Variants in TDRD7 observed in about 807,000 individuals in gnomAD.
The protein encoded by TDRD7 is tudor domain-containing protein 7.
In TDRD7, 47 loss-of-function variants were observed where a neutral mutation model predicts 109.8. The observed-to-expected ratio is 0.43, with a 90% CI of 0.34 to 0.55. The LOEUF is 0.55. Ranked by LOEUF, TDRD7 falls within the 20% of genes least tolerant of loss-of-function variation. TDRD7 has a pLI of 0.03. For synonymous variants in TDRD7, 424 were observed against 457.3 expected, an observed-to-expected ratio of 0.93 and a Z score of 0.93; for missense variants, 1,164 against 1,319.2, an observed-to-expected ratio of 0.88 and a Z score of 1.82.
At chr9:97,465,525 A>G (rs1040802092) in intron 8 of TDRD7, among the ~76,000 whole-genome samples, 1 of 152,194 alleles carries the variant, frequency 6.6e-6, no homozygotes, top group Admixed American at 6.5e-5. Flanking sequence ...TTCCATCAGC[A>G]GACTCTTCTG....
intron 1 of TDRD7, among the ~76,000 whole-genome samples, chr9:97,420,882 C>A (rs1400865673): frequency 7.2e-5 from 11 of 152,138 alleles, no homozygotes; most frequent in Admixed American, 7.2e-4. Flanking sequence ...TCTGTAATCC[C>A]AGCATTTTGG....
chr9:97,460,717 A>G lies in TDRD7; in HGVS notation c.1395A>G (p.Pro465=). ...PPLMIPTEAS[P]SVLVVELSNT... is the part of the protein sequence containing the mutation. ...TAATGATTCCAACTGAAGCATCACC[A>G]TCTGTATTGGTGGTTGAACTGAGCA... Residue 465 remains proline, a synonymous_variant, in exon 7 of 17, where the codon CCA becomes CCG. Coordinates refer to ENST00000355295, the MANE Select transcript of TDRD7 (RefSeq NM_014290.3). 6.2e-7 allele frequency: 1 copy of G among 1,614,158 alleles called. No individual in the cohort carries two copies.
rs567767147 is a variant in TDRD7, at chr9:97,471,747, T to G, written c.1742-546T>G. Among the ~76,000 whole-genome samples, 54 of 152,334 alleles carry G rather than the reference T, an allele frequency of 3.5e-4. No individual in the cohort carries two copies. In the South Asian group the frequency reaches 0.011, roughly 31 times the overall value. On this transcript the variant is annotated intron_variant, in intron 9 of 16. Coordinates refer to ENST00000355295, the MANE Select transcript of TDRD7 (RefSeq NM_014290.3). Reference sequence around the variant, plus strand: ...CTAAGAATTTAAAGAGTAGTTGGACTACAACAAAATTCATCTAATACCTGT... The same window carrying G: ...CTAAGAATTTAAAGAGTAGTTGGACGACAACAAAATTCATCTAATACCTGT...
intron 9 of TDRD7, 28 bp from the exon 10 acceptor site, chr9:97,472,265 A>G (rs142840335): frequency 6.3e-7 from 1 of 1,589,542 alleles, no homozygotes; most frequent in Non-Finnish European, 8.6e-7. Flanking sequence ...CTAATTAAGT[A>G]GAAATTAAAA....
intron 14 of TDRD7, among the ~76,000 whole-genome samples, chr9:97,481,206 T>C (rs1829109800): frequency 6.6e-6 from 1 of 152,250 alleles, no homozygotes; most frequent in African/African-American, 2.4e-5. Flanking sequence ...GAGATGGTTC[T>C]CCACTTCTGT....
At chr9:97,426,207 C>G (rs900448310) in intron 1 of TDRD7, among the ~76,000 whole-genome samples, 3 of 152,174 alleles carry the variant, frequency 2.0e-5, no homozygotes, top group Non-Finnish European at 2.9e-5. Context: ...CTTATAAACA[C>G]TGTACACTTA....
chr9:97,419,194 G>C (rs1301688078), intron 1 of TDRD7, among the ~76,000 whole-genome samples: 3 of 152,218 alleles, frequency 2.0e-5, no homozygotes, highest in Non-Finnish European at 4.4e-5. Flanking sequence ...GCAAAGCCCA[G>C]TTTCACTCAG....
chr9:97,466,104 C>A (rs1242786545), intron 8 of TDRD7, among the ~76,000 whole-genome samples: 1 of 152,194 alleles, frequency 6.6e-6, no homozygotes, highest in Non-Finnish European at 1.5e-5. Flanking sequence ...ATTCCATGTG[C>A]CACTATCAGC....
At chr9:97,487,570 G>A (rs1203015891) in intron 16 of TDRD7, among the ~76,000 whole-genome samples, 1 of 151,744 alleles carries the variant, frequency 6.6e-6, no homozygotes, top group African/African-American at 2.4e-5. Flanking sequence ...CTGGTTTCAA[G>A]CATGAGTATA....
chr9:97,441,906 A>G, intron 6 of TDRD7, 31 bp downstream of exon 6: 1 of 1,575,956 alleles, frequency 6.3e-7, no homozygotes, highest in African/African-American at 1.3e-5. Flanking sequence ...CCCTTCTGAT[A>G]CCTCCTCCCT....
In TDRD7 at chr9:97,495,829, C is replaced by G. The variant is rs762697124; in HGVS notation, c.3243C>G (p.Thr1081=). 1.2e-6 allele frequency: 2 copies of G among 1,614,158 alleles called. No homozygotes were observed. The highest frequency in any genetic ancestry group is 8.5e-7 in the Non-Finnish European group (1 of 1,180,024). Residue 1081 remains threonine, a synonymous_variant, in exon 17 of 17, where the codon ACC becomes ACG. Coordinates refer to ENST00000355295, the MANE Select transcript of TDRD7 (RefSeq NM_014290.3). ...ACACATCGTTGCCAGACACCGATAC[C>G]TGGATTCATGATTTTATGTCAGAGT... ...LVDTSLPDTD[T]WIHDFMSEYL... is the part of the protein sequence containing the mutation.
At chr9:97,467,883 T>C (rs1465592884) in intron 8 of TDRD7, among the ~76,000 whole-genome samples, 1 of 152,096 alleles carries the variant, frequency 6.6e-6, no homozygotes, top group Non-Finnish European at 1.5e-5. Flanking sequence ...CAGGATATAT[T>C]TGGAGGTAGA....
chr9:97,424,049 CTTTTTTT>C (rs56369544), intron 1 of TDRD7, among the ~76,000 whole-genome samples: 2 of 48,866 alleles, frequency 4.1e-5, no homozygotes, highest in Non-Finnish European at 6.9e-5. Context: ...CTTTTATATT[CTTTTTTT>C]TTTTTTTTTT....
At chr9:97,440,982 TTATAAA>T (rs1828293377) in intron 5 of TDRD7, among the ~76,000 whole-genome samples, 1 of 152,146 alleles carries the variant, frequency 6.6e-6, no homozygotes, top group Non-Finnish European at 1.5e-5. Context: ...AGCCAAAACT[TTATAAA>T]TACACACTTA....
intron 7 of TDRD7, among the ~76,000 whole-genome samples, chr9:97,462,712 A>G (rs1198696964): frequency 6.6e-6 from 1 of 152,192 alleles, no homozygotes; most frequent in Non-Finnish European, 1.5e-5. Context: ...TTTGAGGATA[A>G]TATATGACCT....
Position 97,460,182 on chromosome 9 carries a change from A to G in TDRD7, c.860A>G (p.Glu287Gly). The change falls in exon 7 of 17, where the codon GAG becomes GGG. Residue 287 changes from glutamate to glycine, a missense_variant. Around this residue, in one of 5 missense-constraint regions of TDRD7, gnomAD observed 407 missense variants for 394.0 expected, o/e 1.03. Transcript: ENST00000355295. Reference sequence around the variant, plus strand: ...TGCTTTATTTAAAAATTTCAGGTGGAGAAACCTTGCAGTGGTGGCCAAGAT... The same window carrying G: ...TGCTTTATTTAAAAATTTCAGGTGGGGAAACCTTGCAGTGGTGGCCAAGAT... ...FEHWPHICTV[E>G]KPCSGGQDLL... is the part of the protein sequence containing the mutation. The G allele has an allele frequency of 6.2e-7, 1 of 1,614,152 alleles. No homozygotes were observed. The highest frequency in any genetic ancestry group is 2.2e-5 in the East Asian group (1 of 44,880).
Position 97,432,214 on chromosome 9 carries a change from A to C in TDRD7, c.539A>C (p.His180Pro). 1.9e-6 allele frequency: 3 copies of C among 1,613,762 alleles called. No individual in the cohort carries two copies. The highest frequency in any genetic ancestry group is 2.5e-6 in the Non-Finnish European group (3 of 1,179,724). Reference sequence around the variant, plus strand: ...TTCAAAGACATTCCAGTGCAAAGGCATGTGACCATGTCCACCAACAACAGG... The same window carrying C: ...TTCAAAGACATTCCAGTGCAAAGGCCTGTGACCATGTCCACCAACAACAGG... ...EAFKDIPVQR[H>P]VTMSTNNRFS... The change falls in exon 4 of 17, where the codon CAT becomes CCT. Residue 180 changes from histidine (H) to proline (P), a missense_variant. His to Pro is a moderately conservative substitution (Grantham distance 77). Transcript: ENST00000355295.
intron 5 of TDRD7, among the ~76,000 whole-genome samples, chr9:97,440,946 A>G (rs575292796): frequency 6.6e-6 from 1 of 152,316 alleles, no homozygotes. Flanking sequence ...AGTTTTAAGT[A>G]AAAACGAAAT....
intron 4 of TDRD7, 80 bp downstream of exon 4, chr9:97,432,318 A>T (rs1002526611): frequency 2.4e-6 from 3 of 1,260,380 alleles, no homozygotes; most frequent in Non-Finnish European, 3.5e-6. Flanking sequence ...TTAAGAAAGA[A>T]ACACTTTCTA....
Sources: gnomAD v4.1 joint callset for allele counts (sites outside exome capture counted in the v4.1 genomes callset) on GRCh38, gnomAD v4.1.1 for gene constraint, gnomAD v4.1.1 regional missense constraint, MANE v1.5 for transcripts, NCBI Gene and HGNC (gene_info 2026-07-23, HGNC 2026-07-21) for gene names.